The following ATRX variants were observed in gnomAD, a reference collection of about 807,000 sequenced individuals.
ATRX encodes the protein ATRX chromatin remodeler, also known as chromatin remodeler ATRX.
ATRX carries 12 observed loss-of-function variants against 172.6 expected under a neutral mutation model. The observed-to-expected ratio is 0.07, with a 90% CI of 0.04 to 0.11. The LOEUF (loss-of-function observed/expected upper bound fraction) is 0.11, where lower values mean the gene tolerates loss of function less well. ATRX is among the 10% of genes least tolerant of loss of function. The pLI is 1.00. For synonymous variants in ATRX, 674 were observed against 594.7 expected (o/e 1.13, Z -1.94); for missense variants, 1,368 against 1,767.4 (o/e 0.77, Z 4.05).
At chrX:77,698,922 T>G (rs2072342787) in intron 2 of ATRX, 2 of 346,696 alleles carry the variant, frequency 5.8e-6, no homozygotes. Context: ...AGAAGAAAAT[T>G]TAAACTATTA....
intron 2 of ATRX, among the ~76,000 whole-genome samples, chrX:77,705,067 G>T (rs1399203814): frequency 9.0e-6 from 1 of 111,147 alleles, no homozygotes; most frequent in Non-Finnish European, 1.9e-5. Context: ...CCATGGTTTG[G>T]GTGGCTGCGG....
At chrX:77,680,975 G>T (rs1033578472) in intron 9 of ATRX, among the ~76,000 whole-genome samples, 2 of 111,249 alleles carry the variant, frequency 1.8e-5, no homozygotes, top group Non-Finnish European at 3.8e-5. Flanking sequence ...CCTTCATTTT[G>T]ACAGTGTTTT....
intron 30 of ATRX, among the ~76,000 whole-genome samples, chrX:77,525,574 AATC>A (rs2063354600): frequency 8.9e-6 from 1 of 112,698 alleles, no homozygotes; most frequent in Non-Finnish European, 1.9e-5. Flanking sequence ...AAATGATCTT[AATC>A]ATAGTCAGAT....
rs2064336613 is a variant in ATRX, at chrX:77,548,585, C to T, written c.6699+8866G>A. Among the ~76,000 whole-genome samples the T allele has an allele frequency of 5.4e-5, 6 of 111,936 alleles. No individual in the cohort carries two copies. The South Asian group carries it at 2.2e-3, about 42-fold the overall frequency. ...CTACAATTAAATGTGTTATTTTGAA[C>T]CTTTATTCTCAAAAGTAAATGTAGG... On this transcript the variant is annotated intron_variant, in intron 30 of 34. Coordinates refer to ENST00000373344, the MANE Select transcript of ATRX (RefSeq NM_000489.6).
At chrX:77,725,622 G>A (rs2073996273) in intron 1 of ATRX, among the ~76,000 whole-genome samples, 1 of 111,786 alleles carries the variant, frequency 8.9e-6, no homozygotes, top group African/African-American at 3.3e-5. Flanking sequence ...ATTGACAAAT[G>A]GGATCTAATT....
intron 10 of ATRX, among the ~76,000 whole-genome samples, chrX:77,672,852 A>G (rs782533155): frequency 2.9e-4 from 32 of 111,846 alleles, no homozygotes; most frequent in Non-Finnish European, 4.9e-4. Flanking sequence ...GTCAGGGAGA[A>G]AGAATGCTTA....
At chrX:77,731,986 G>C (rs782446005) in intron 1 of ATRX, among the ~76,000 whole-genome samples, 12 of 111,718 alleles carry the variant, frequency 1.1e-4, no homozygotes, top group Non-Finnish European at 1.7e-4. Flanking sequence ...ACCAGTGGAG[G>C]GCAGCCACCC....
chrX:77,626,320 A>G (rs1042760649), intron 19 of ATRX, among the ~76,000 whole-genome samples: 8 of 107,590 alleles, frequency 7.4e-5, no homozygotes, highest in African/African-American at 2.7e-4. Context: ...AAAAGACAAC[A>G]TATATGGTGT....
intron 1 of ATRX, among the ~76,000 whole-genome samples, chrX:77,744,699 A>G (rs1163720943): frequency 9.0e-6 from 1 of 111,454 alleles, no homozygotes; most frequent in African/African-American, 3.3e-5. Context: ...CCTTAAAAAA[A>G]AATTCTGACC....
chrX:77,507,689 C>T lies in ATRX; in HGVS notation c.*662G>A. ...AAAGGAATTCTCTTCTTAGGCTATA[C>T]TTAAGGCTGTTTATACAATGCTAAG... On this transcript the variant is annotated 3_prime_UTR_variant, in exon 35 of 35. Coordinates refer to ENST00000373344, the MANE Select transcript of ATRX (RefSeq NM_000489.6). 5.7e-6 allele frequency: 1 copy of T among 175,623 alleles called. No individual in the cohort carries two copies. 14.5% of individuals were successfully genotyped at this position (175,623 alleles called of 1,213,427 possible).
At chrX:77,580,954 GTTTC>G (rs1382963197) in intron 27 of ATRX, among the ~76,000 whole-genome samples, 8 of 111,810 alleles carry the variant, frequency 7.2e-5, no homozygotes, top group Non-Finnish European at 7.5e-5. Flanking sequence ...CTTTTTGCCT[GTTTC>G]TTTCTTTGTT....
chrX:77,577,621 G>GA lies in ATRX; in HGVS notation c.6218-3264dup, dbSNP rs782554711. On this transcript the variant is annotated intron_variant, in intron 27 of 34. Coordinates refer to ENST00000373344, the MANE Select transcript of ATRX (RefSeq NM_000489.6). Reference sequence around the variant, plus strand: ...TATATATTTACCATAATACTAAAAAGAAAAAAAACTACCTATAAGAAGAGC... The same window carrying GA: ...TATATATTTACCATAATACTAAAAAGAAAAAAAAACTACCTATAAGAAGAGC... Among the ~76,000 whole-genome samples, 13 of 110,099 alleles carry GA rather than the reference G, an allele frequency of 1.2e-4. No individual in the cohort carries two copies. In the South Asian group the frequency reaches 5.0e-3, roughly 42 times the overall value.
At chrX:77,656,988 T>C (rs782430583) in intron 12 of ATRX, among the ~76,000 whole-genome samples, 54 of 111,700 alleles carry the variant, frequency 4.8e-4, no homozygotes, top group Non-Finnish European at 8.1e-4. Context: ...AGTTTGGCTA[T>C]TCAAAACAAG....
In ATRX at chrX:77,633,028, C is replaced by T. The variant is rs782608819; in HGVS notation, c.5134+179G>A. 1.1e-4 allele frequency among the ~76,000 whole-genome samples: 12 copies of T among 111,797 alleles called. No homozygotes were observed. The East Asian group carries it at 3.4e-3, about 31-fold the overall frequency. ...CAGCAAATAAATTCTGAACAGCTGG[C>T]GACATTAAGGGTGATTTTATTCTAT... On this transcript the variant is annotated intron_variant, in intron 19 of 34. Transcript: ENST00000373344.
At chrX:77,626,028 C>CATAT (rs782747198) in intron 19 of ATRX, among the ~76,000 whole-genome samples, 17 of 36,262 alleles carry the variant, frequency 4.7e-4, no homozygotes, top group Non-Finnish European at 6.4e-4. Context: ...GAAATTGTGG[C>CATAT]ATATATATAT....
At chrX:77,781,366 C>T (rs1283328381) in intron 1 of ATRX, among the ~76,000 whole-genome samples, 4 of 102,540 alleles carry the variant, frequency 3.9e-5, no homozygotes, top group African/African-American at 7.2e-5. Context: ...GGCGTGAACC[C>T]GGAGGGCGGA....
intron 2 of ATRX, among the ~76,000 whole-genome samples, chrX:77,703,118 A>C (rs544554256): frequency 8.8e-6 from 1 of 113,109 alleles, no homozygotes; most frequent in South Asian, 3.6e-4. Flanking sequence ...CACCAGGCCA[A>C]GCCATAAGAT....
At chrX:77,775,712 A>ATTAT (rs1489319051) in intron 1 of ATRX, among the ~76,000 whole-genome samples, 5 of 69,823 alleles carry the variant, frequency 7.2e-5, no homozygotes, top group East Asian at 5.5e-4. Context: ...AAAAACAATA[A>ATTAT]TTCTTTATTT....
intron 2 of ATRX, among the ~76,000 whole-genome samples, chrX:77,703,610 G>A (rs1196020954): frequency 8.9e-6 from 1 of 112,406 alleles, no homozygotes; most frequent in African/African-American, 3.2e-5. Context: ...CCAGAGGGCT[G>A]CAGCTCTTCT....
Sources: gnomAD v4.1 joint callset for allele counts (sites outside exome capture counted in the v4.1 genomes callset) on GRCh38, gnomAD v4.1.1 for gene constraint, MANE v1.5 for transcripts, NCBI Gene and HGNC (gene_info 2026-07-23, HGNC 2026-07-21) for gene names.